Variants in PRAG1 observed in about 807,000 individuals in gnomAD.
PRAG1 encodes inactive tyrosine-protein kinase PRAG1.
PRAG1 carries 110 observed loss-of-function variants against 95.6 expected under a neutral mutation model. The ratio of observed to expected loss-of-function variants is 1.15; its 90% CI spans 0.99 to 1.35. The LOEUF (loss-of-function observed/expected upper bound fraction) is 1.35, where lower values mean the gene tolerates loss of function less well. Among genes scored for constraint, PRAG1 ranks in the 40% most tolerant of loss-of-function variants. The pLI is 0.00. For synonymous variants in PRAG1, 1,052 were observed against 819.4 expected (o/e 1.28, Z -4.85); for missense variants, 2,554 against 1,864.7 (o/e 1.37, Z -6.81).
At chr8:8,335,089 A>G (rs1226453840) in intron 4 of PRAG1, among the ~76,000 whole-genome samples, 1 of 152,100 alleles carries the variant, frequency 6.6e-6, no homozygotes, top group Non-Finnish European at 1.5e-5. Flanking sequence ...CACTTTTCAG[A>G]TGCTGTGATG....
In PRAG1 at chr8:8,328,312, C is replaced by T. The variant is rs748819754; in HGVS notation, c.2470G>A (p.Ala824Thr). ...AAGAAGCCATCCGGTGAAGAGGCTG[C>T]CCGGCTCACTATCTTTTTCTGGGGG... Reference protein sequence around the residue: ...PLPQKKIVSRAASSPDGFFWT... With the variant: ...PLPQKKIVSRTASSPDGFFWT... The change falls in exon 5 of 6, where the codon GCA (alanine) becomes ACA (threonine). Residue 824 changes from alanine to threonine, a missense_variant. By Grantham distance (58) the Ala-to-Thr change is moderately conservative. Coordinates refer to ENST00000615670, the MANE Select transcript of PRAG1 (RefSeq NM_001080826.3). 1.8e-5 allele frequency: 29 copies of T among 1,613,708 alleles called. No homozygotes were observed. Among genetic ancestry groups the T allele is most frequent in the African/African-American group, 2.7e-5 (2 of 74,886 alleles).
At chr8:8,325,639 G>C (rs1050977733) in intron 5 of PRAG1, among the ~76,000 whole-genome samples, 13 of 152,076 alleles carry the variant, frequency 8.5e-5, no homozygotes, top group African/African-American at 3.1e-4. Context: ...GGCGGGGCAC[G>C]GTGGCTCATG....
intron 4 of PRAG1, among the ~76,000 whole-genome samples, chr8:8,337,970 C>A (rs2117141684): frequency 6.6e-6 from 1 of 152,286 alleles, no homozygotes; most frequent in Non-Finnish European, 1.5e-5. Flanking sequence ...GCACTGCCAT[C>A]CCTGTGGCTT....
At chr8:8,375,361 G>A (rs547485997) in intron 3 of PRAG1, among the ~76,000 whole-genome samples, 5 of 152,080 alleles carry the variant, frequency 3.3e-5, no homozygotes, top group Non-Finnish European at 5.9e-5. Context: ...CCGCCACCAC[G>A]CCTGGCTAAT....
rs753190750 is a variant in PRAG1, at chr8:8,381,463, G to A, written c.285C>T (p.Ala95=). Residue 95 remains alanine, a synonymous_variant, in exon 2 of 6, where the codon GCC becomes GCT. Coordinates refer to ENST00000615670, the MANE Select transcript of PRAG1 (RefSeq NM_001080826.3). The part of the protein sequence containing the change: ...AVKPTMMSSE[A]SDVWTEANLS... ...GGTTGGCCTCTGTCCACACATCAGA[G>A]GCCTCGGAGCTCATCATGGTGGGCT... is the stretch of plus-strand genomic sequence containing the variant. 4 of 1,614,088 alleles carry A rather than the reference G, an allele frequency of 2.5e-6. No homozygotes were observed. Among genetic ancestry groups the A allele is most frequent in the Admixed American group, 3.3e-5 (2 of 60,014 alleles).
chr8:8,370,413 T>A (rs1194065311), intron 3 of PRAG1, among the ~76,000 whole-genome samples: 1 of 152,222 alleles, frequency 6.6e-6, no homozygotes, highest in East Asian at 1.9e-4. Context: ...CAACTTGACC[T>A]CCAGCCTACT....
intron 4 of PRAG1, among the ~76,000 whole-genome samples, 195 bp from the exon 5 acceptor site, chr8:8,328,656 A>T (rs974434142): frequency 3.3e-5 from 5 of 152,240 alleles, no homozygotes; most frequent in Non-Finnish European, 7.3e-5. Context: ...ATAGATTGAC[A>T]ACTAAGTCTT....
intron 4 of PRAG1, among the ~76,000 whole-genome samples, chr8:8,333,664 T>C (rs1798891902): frequency 6.6e-6 from 1 of 152,234 alleles, no homozygotes. Flanking sequence ...AGAGCTGAGC[T>C]GACAGAGGAA....
At chr8:8,327,374 A>T (rs1289353751) in intron 5 of PRAG1, among the ~76,000 whole-genome samples, 1 of 152,192 alleles carries the variant, frequency 6.6e-6, no homozygotes, top group Non-Finnish European at 1.5e-5. Flanking sequence ...GTTCAAGACC[A>T]GCCGGGCCAA....
At chr8:8,336,601 T>C (rs1798990469) in intron 4 of PRAG1, among the ~76,000 whole-genome samples, 1 of 152,216 alleles carries the variant, frequency 6.6e-6, no homozygotes, top group Admixed American at 6.5e-5. Flanking sequence ...AAAAGTGGCA[T>C]TTTGCCACTG....
intron 3 of PRAG1, among the ~76,000 whole-genome samples, chr8:8,341,407 C>T (rs1005206939): frequency 2.6e-5 from 4 of 151,762 alleles, no homozygotes; most frequent in African/African-American, 9.7e-5. Context: ...GTGCCAGATA[C>T]AAAGAGGGAA....
Position 8,327,887 on chromosome 8 carries a change from G to A in PRAG1, c.2895C>T (p.Arg965=), listed in dbSNP as rs778583542. 21 of 1,614,120 alleles carry A rather than the reference G, an allele frequency of 1.3e-5. No homozygotes were observed. Among genetic ancestry groups the A allele is most frequent in the Middle Eastern group, 1.6e-4 (1 of 6,084 alleles). ...AGAGGTCCTCACATTTGGCTACAAG[G>A]CGGGCCAGGGACTGGGTGTAGAGTC... The part of the protein sequence containing the change: ...LGGLYTQSLA[R]LVAKCEDLFM... The change falls in exon 5 of 6, where the codon CGC becomes CGT. Residue 965 remains arginine, a synonymous_variant. Coordinates refer to ENST00000615670, the MANE Select transcript of PRAG1 (RefSeq NM_001080826.3).
intron 3 of PRAG1, among the ~76,000 whole-genome samples, chr8:8,341,943 G>A (rs1799181450): frequency 6.6e-6 from 1 of 151,990 alleles, no homozygotes; most frequent in Admixed American, 6.5e-5. Flanking sequence ...GACCGGCCTG[G>A]CCAACAGGCC....
chr8:8,356,969 G>A (rs1308123272), intron 3 of PRAG1, among the ~76,000 whole-genome samples: 1 of 152,122 alleles, frequency 6.6e-6, no homozygotes, highest in African/African-American at 2.4e-5. Context: ...TGGTAAAAGT[G>A]AATATCCACA....
chr8:8,372,818 A>T (rs1213437031), intron 3 of PRAG1, among the ~76,000 whole-genome samples: 6 of 152,250 alleles, frequency 3.9e-5, no homozygotes, highest in Non-Finnish European at 8.8e-5. Context: ...TCAGTTTTGT[A>T]AAATAGGGCG....
chr8:8,350,318 A>G (rs1289355674), intron 3 of PRAG1, among the ~76,000 whole-genome samples: 1 of 152,152 alleles, frequency 6.6e-6, no homozygotes, highest in East Asian at 1.9e-4. Flanking sequence ...AGAGTGATGA[A>G]GAACTCATAG....
At position 8,333,303 on chromosome 8, in the gene PRAG1, A is replaced by C. The variant is rs941710019; in HGVS notation, c.2321-4842T>G. Among the ~76,000 whole-genome samples the C allele has an allele frequency of 2.0e-5, 3 of 152,324 alleles. No homozygotes were observed. In the South Asian group the frequency reaches 6.2e-4, roughly 32 times the overall value. On this transcript the variant is annotated intron_variant, in intron 4 of 5. Transcript: ENST00000615670. The stretch of plus-strand genomic sequence containing the variant: ...TCCTAAGTTTTCCTTCGAATTTCCA[A>C]TTCTGCATATAAAGGAAGTTCCTGG...
At chr8:8,352,723 C>G (rs1457908739) in intron 3 of PRAG1, among the ~76,000 whole-genome samples, 2 of 152,192 alleles carry the variant, frequency 1.3e-5, no homozygotes, top group East Asian at 3.8e-4. Context: ...TTCCCAATAT[C>G]TCACTTCTAG....
chr8:8,364,046 G>T (rs1799929068), intron 3 of PRAG1, among the ~76,000 whole-genome samples: 1 of 152,140 alleles, frequency 6.6e-6, no homozygotes, highest in Non-Finnish European at 1.5e-5. Context: ...ATAATGTTAT[G>T]ACAAACTTCC....
Sources: allele counts gnomAD v4.1 joint callset (sites outside exome capture counted in the v4.1 genomes callset), GRCh38; gene constraint gnomAD v4.1.1; transcripts MANE v1.5; gene names NCBI Gene and HGNC (gene_info 2026-07-23, HGNC 2026-07-21).